Variants in ZNF385D observed in about 807,000 individuals in gnomAD.
ZNF385D encodes zinc finger protein 385D.
In ZNF385D, 15 loss-of-function variants were observed where a neutral mutation model predicts 35.8. That is an observed-to-expected ratio of 0.42 (90% CI 0.28 to 0.64). ZNF385D has a LOEUF of 0.64. ZNF385D is among the 30% of genes least tolerant of loss of function. The probability of loss-of-function intolerance (pLI) is 0.23; values close to 1 mark genes in which losing one functional copy is unlikely to be tolerated. For missense variants in ZNF385D, 474 were observed against 494.6 expected (o/e 0.96, Z 0.39); for synonymous variants, 212 against 186.8 (o/e 1.13, Z -1.10).
At chr3:22,294,995 T>A (rs1702493569) in intron 2 of ZNF385D, among the ~76,000 whole-genome samples, 1 of 152,008 alleles carries the variant, frequency 6.6e-6, no homozygotes, top group Non-Finnish European at 1.5e-5. Context: ...ATACACACAC[T>A]CACACACATG....
At chr3:22,118,286 T>C (rs1375799576) in intron 3 of ZNF385D, among the ~76,000 whole-genome samples, 2 of 152,094 alleles carry the variant, frequency 1.3e-5, no homozygotes, top group Non-Finnish European at 2.9e-5. Context: ...TAACTTTAGT[T>C]TGGTAATCCC....
intron 3 of ZNF385D, among the ~76,000 whole-genome samples, chr3:21,828,594 C>A (rs533021209): frequency 6.6e-6 from 1 of 152,322 alleles, no homozygotes; most frequent in South Asian, 2.1e-4. Flanking sequence ...TGGCTACCTA[C>A]TGTGTGTCAG....
At chr3:21,839,309 T>C (rs1695518077) in intron 3 of ZNF385D, among the ~76,000 whole-genome samples, 1 of 152,058 alleles carries the variant, frequency 6.6e-6, no homozygotes, top group South Asian at 2.1e-4. Flanking sequence ...CAGGAGTAGC[T>C]AGCTAAGTGA....
chr3:21,785,153 C>A (rs1047666140), intron 3 of ZNF385D, among the ~76,000 whole-genome samples: 1 of 152,176 alleles, frequency 6.6e-6, no homozygotes, highest in African/African-American at 2.4e-5. Flanking sequence ...ATAATTTGCC[C>A]CCAAATCACG....
intron 3 of ZNF385D, among the ~76,000 whole-genome samples, chr3:21,901,256 C>T (rs1418347327): frequency 1.3e-5 from 2 of 152,178 alleles, no homozygotes; most frequent in Non-Finnish European, 2.9e-5. Flanking sequence ...GGATTACAGG[C>T]GTGAGCCACT....
intron 1 of ZNF385D, among the ~76,000 whole-genome samples, chr3:21,711,243 G>A (rs923780693): frequency 4.0e-5 from 6 of 151,482 alleles, no homozygotes; most frequent in Admixed American, 6.6e-5. Flanking sequence ...GGGTTTCACC[G>A]TGTTAGCCAG....
At chr3:21,684,947 A>G (rs2067056849) in intron 1 of ZNF385D, among the ~76,000 whole-genome samples, 1 of 152,190 alleles carries the variant, frequency 6.6e-6, no homozygotes, top group African/African-American at 2.4e-5. Flanking sequence ...CTCGTATGGC[A>G]ATTTGGAAAA....
At chr3:22,132,031 G>C (rs1340905207) in intron 3 of ZNF385D, among the ~76,000 whole-genome samples, 1 of 152,144 alleles carries the variant, frequency 6.6e-6, no homozygotes, top group African/African-American at 2.4e-5. Context: ...TATAACTAGA[G>C]TTGACATTTT....
At chr3:21,886,258 G>T (rs554591075) in intron 3 of ZNF385D, among the ~76,000 whole-genome samples, 37 of 152,120 alleles carry the variant, frequency 2.4e-4, no homozygotes, top group African/African-American at 7.9e-4. Flanking sequence ...CTGGATGATG[G>T]AAGAAGGTTT....
At chr3:22,077,349 T>C (rs1428292786) in intron 3 of ZNF385D, among the ~76,000 whole-genome samples, 1 of 151,876 alleles carries the variant, frequency 6.6e-6, no homozygotes, top group African/African-American at 2.4e-5. Context: ...CTTTTGGTGG[T>C]AAAGGTAGAA....
chr3:21,481,968 C>T (rs941837675), intron 4 of ZNF385D, among the ~76,000 whole-genome samples: 4 of 152,118 alleles, frequency 2.6e-5, no homozygotes, highest in Middle Eastern at 3.2e-3. Flanking sequence ...GCAGTTCCAT[C>T]ACATGCTTTT....
intron 1 of ZNF385D, among the ~76,000 whole-genome samples, chr3:21,706,974 A>C (rs2067928371): frequency 6.6e-6 from 1 of 152,186 alleles, no homozygotes; most frequent in African/African-American, 2.4e-5. Context: ...GTATGCGTAG[A>C]TACATCTACG....
At chr3:22,366,224 A>C (rs913962708) in intron 2 of ZNF385D, among the ~76,000 whole-genome samples, 32 of 152,056 alleles carry the variant, frequency 2.1e-4, no homozygotes, top group African/African-American at 7.7e-4. Flanking sequence ...GCTGAGGTTA[A>C]ACATAAAGAG....
At chr3:22,292,538 A>G (rs965223455) in intron 2 of ZNF385D, among the ~76,000 whole-genome samples, 1 of 152,042 alleles carries the variant, frequency 6.6e-6, no homozygotes, top group African/African-American at 2.4e-5. Context: ...GATTTTGTAG[A>G]CCTCTATTTA....
At chr3:22,087,711 GT>G (rs1185334658) in intron 3 of ZNF385D, among the ~76,000 whole-genome samples, 1 of 152,026 alleles carries the variant, frequency 6.6e-6, no homozygotes, top group Non-Finnish European at 1.5e-5. Context: ...TTTATTTTGG[GT>G]TTTGTTACTT....
At chr3:22,116,497 A>C (rs528421201) in intron 3 of ZNF385D, among the ~76,000 whole-genome samples, 1 of 152,236 alleles carries the variant, frequency 6.6e-6, no homozygotes, top group East Asian at 1.9e-4. Context: ...GTACACAATA[A>C]AATGTAGTAA....
chr3:22,109,993 C>T (rs986137958), intron 3 of ZNF385D, among the ~76,000 whole-genome samples: 38 of 152,164 alleles, frequency 2.5e-4, no homozygotes, highest in South Asian at 1.0e-3. Context: ...GAACAGACAC[C>T]TCTCAAAAGA....
intron 3 of ZNF385D, among the ~76,000 whole-genome samples, chr3:21,919,664 T>C (rs1418709997): frequency 6.6e-6 from 1 of 152,160 alleles, no homozygotes; most frequent in East Asian, 1.9e-4. Flanking sequence ...TAACTCAGTA[T>C]TCACTAAATT....
chr3:21,615,299 A>G (rs1157823498), intron 2 of ZNF385D, among the ~76,000 whole-genome samples: 1 of 152,146 alleles, frequency 6.6e-6, no homozygotes, highest in Admixed American at 6.6e-5. Context: ...ACCATCTGCC[A>G]TGATTGGAAG....
Sources: allele counts gnomAD v4.1 joint callset (sites outside exome capture counted in the v4.1 genomes callset), GRCh38; gene constraint gnomAD v4.1.1; transcripts MANE v1.5; gene names NCBI Gene and HGNC (gene_info 2026-07-23, HGNC 2026-07-21).